The following STK33 variants were observed in gnomAD, a reference collection of about 807,000 sequenced individuals.
STK33 encodes the protein serine/threonine kinase 33, also known as serine/threonine-protein kinase 33.
Under a neutral mutation model 58.0 loss-of-function variants are expected in STK33, and 52 were observed. The observed-to-expected ratio is 0.90, with a 90% CI of 0.72 to 1.13. STK33 has a LOEUF of 1.13. Ranked by LOEUF, STK33 falls within the 50% of genes most tolerant of loss-of-function variation. The pLI, the probability that STK33 is intolerant of heterozygous loss-of-function variation, is 0.00. For synonymous variants in STK33, 215 were observed against 200.1 expected (o/e 1.07, Z -0.63); for missense variants, 630 against 604.2 (o/e 1.04, Z -0.45).
At chr11:8,479,039 T>G (rs1315527323) in intron 2 of STK33, among the ~76,000 whole-genome samples, 3 of 152,216 alleles carry the variant, frequency 2.0e-5, no homozygotes, top group Admixed American at 2.0e-4. Flanking sequence ...CCTTTCTATT[T>G]TAATTTGCAT....
At chr11:8,350,904 A>G in the STK33 span, among the ~76,000 whole-genome samples, 1 of 152,160 alleles carries the variant, frequency 6.6e-6, no homozygotes, top group Non-Finnish European at 1.5e-5. Context: ...AGCCCCCAGC[A>G]TACCTTGCTG....
At chr11:8,474,601 TG>T in intron 5 of STK33, 79 bp downstream of exon 5, 1 of 1,004,078 alleles carries the variant, frequency 1.0e-6, no homozygotes, top group Non-Finnish European at 1.4e-6. Flanking sequence ...CAAGAACTCA[TG>T]GGATATGGAT....
chr11:8,580,686 T>C (rs1271919370), intron 1 of STK33: 2 of 152,202 alleles, frequency 1.3e-5, no homozygotes, highest in African/African-American at 4.8e-5. Flanking sequence ...TTTTCCATGA[T>C]GTGATTACTA....
At chr11:8,523,307 G>A (rs570960048) in intron 1 of STK33, among the ~76,000 whole-genome samples, 3 of 151,292 alleles carry the variant, frequency 2.0e-5, no homozygotes, top group African/African-American at 7.3e-5. Flanking sequence ...GGGAAGTGAG[G>A]AGTGCCTCTT....
intron 15 of STK33, among the ~76,000 whole-genome samples, chr11:8,404,577 TTTTA>T (rs1938739643): frequency 1.3e-5 from 2 of 152,228 alleles, no homozygotes; most frequent in African/African-American, 4.8e-5. Context: ...TTAATTGAAT[TTTTA>T]TTCAGATATT....
intron 1 of STK33, among the ~76,000 whole-genome samples, chr11:8,557,263 AGGGGAGGGGAGGG>A (rs1389072769): frequency 0.011 from 15 of 1,326 alleles, 1 homozygote; most frequent in South Asian, 0.031. Context: ...AGGGAAGGGG[AGGGGAGGGGAGGG>A]GAGGGGAGGG....
At chr11:8,366,942 C>T in the STK33 span, among the ~76,000 whole-genome samples, 1 of 152,202 alleles carries the variant, frequency 6.6e-6, no homozygotes, top group African/African-American at 2.4e-5. Context: ...AGGCCTTGCA[C>T]TTGGGACTGT....
At chr11:8,523,744 G>A (rs1953759138) in intron 1 of STK33, among the ~76,000 whole-genome samples, 1 of 149,352 alleles carries the variant, frequency 6.7e-6, no homozygotes, top group East Asian at 2.0e-4. Context: ...GGGAGGTGGG[G>A]GGCGCCTCTG....
chr11:8,455,881 A>G (rs1307177837), intron 9 of STK33, among the ~76,000 whole-genome samples: 2 of 150,660 alleles, frequency 1.3e-5, no homozygotes, highest in African/African-American at 4.9e-5. Context: ...TGAGTCCTGC[A>G]CTGGCAATTA....
intron 1 of STK33, among the ~76,000 whole-genome samples, chr11:8,548,842 T>G (rs1370252817): frequency 6.6e-6 from 1 of 152,222 alleles, no homozygotes; most frequent in Non-Finnish European, 1.5e-5. Context: ...GGTGTTTTAT[T>G]TTTTGGTTAA....
At chr11:8,514,975 C>A (rs1307294747) in intron 1 of STK33, among the ~76,000 whole-genome samples, 1 of 151,936 alleles carries the variant, frequency 6.6e-6, no homozygotes, top group African/African-American at 2.4e-5. Flanking sequence ...AACAAAAGGA[C>A]ATTAAAGACC....
At chr11:8,421,279 C>T (rs900991197) in intron 14 of STK33, among the ~76,000 whole-genome samples, 1 of 152,210 alleles carries the variant, frequency 6.6e-6, no homozygotes, top group African/African-American at 2.4e-5. Context: ...TTGGTTTTTA[C>T]TATAAGTCCC....
intron 1 of STK33, among the ~76,000 whole-genome samples, chr11:8,504,907 T>C (rs1454542175): frequency 1.3e-5 from 2 of 152,240 alleles, no homozygotes; most frequent in Non-Finnish European, 2.9e-5. Flanking sequence ...TCACAGTTTA[T>C]GCTGCAATCT....
rs1944850809 is a variant in STK33, at chr11:8,442,237, A to C, written c.872-1484T>G. Among the ~76,000 whole-genome samples the C allele has an allele frequency of 2.0e-5, 3 of 152,274 alleles. No individual in the cohort carries two copies. In the East Asian group the frequency reaches 5.8e-4, roughly 29 times the overall value. ...TCCAAATGATTGAAAATTAACTAAT[A>C]TTTCCCTTTAAGCCATTATTTGTAT... is the stretch of plus-strand genomic sequence containing the variant. On this transcript the variant is annotated intron_variant, in intron 11 of 15. Coordinates refer to ENST00000687296, the MANE Select transcript of STK33 (RefSeq NM_001352389.2).
At chr11:8,443,807 G>A (rs1186596442) in intron 11 of STK33, among the ~76,000 whole-genome samples, 3 of 152,004 alleles carry the variant, frequency 2.0e-5, no homozygotes, top group Non-Finnish European at 2.9e-5. Flanking sequence ...GAGATCAGCC[G>A]GGGCATGAGA....
intron 11 of STK33, among the ~76,000 whole-genome samples, chr11:8,444,521 T>C (rs995371375): frequency 1.3e-5 from 2 of 152,140 alleles, no homozygotes; most frequent in South Asian, 2.1e-4. Context: ...AAAAATTTTT[T>C]AGAAATGAGT....
At chr11:8,558,870 A>T (rs550085996) in intron 1 of STK33, among the ~76,000 whole-genome samples, 3 of 152,214 alleles carry the variant, frequency 2.0e-5, no homozygotes, top group Non-Finnish European at 4.4e-5. Flanking sequence ...ACAAGTGTTA[A>T]TATAGCACAA....
At chr11:8,426,604 G>C (rs1392034870) in intron 14 of STK33, among the ~76,000 whole-genome samples, 1 of 152,100 alleles carries the variant, frequency 6.6e-6, no homozygotes, top group Non-Finnish European at 1.5e-5. Context: ...CTCTATTTCT[G>C]TCTTAATTTT....
chr11:8,350,031 G>A, the STK33 span, among the ~76,000 whole-genome samples: 5 of 152,374 alleles, frequency 3.3e-5, no homozygotes, highest in Middle Eastern at 3.4e-3. Context: ...TGCTGTGTGC[G>A]TTGCACTTCA....
Sources: allele counts gnomAD v4.1 joint callset (sites outside exome capture counted in the v4.1 genomes callset), GRCh38; gene constraint gnomAD v4.1.1; transcripts MANE v1.5; gene names NCBI Gene and HGNC (gene_info 2026-07-23, HGNC 2026-07-21).